The following TOX2 variants were observed in gnomAD, a reference collection of about 807,000 sequenced individuals.
TOX2 encodes granulosa cell HMG box 1.
Under a neutral mutation model 47.4 loss-of-function variants are expected in TOX2, and 15 were observed. The observed-to-expected ratio is 0.32, with a 90% CI of 0.21 to 0.49. The LOEUF (loss-of-function observed/expected upper bound fraction) is 0.49. TOX2 is among the 20% of genes least tolerant of loss of function. The probability of loss-of-function intolerance (pLI) is 0.99; values close to 1 mark genes in which losing one functional copy is unlikely to be tolerated. For synonymous variants in TOX2, 290 were observed against 296.6 expected (o/e 0.98, Z 0.23); for missense variants, 622 against 673.1 (o/e 0.92, Z 0.84).
chr20:44,036,468 G>A (rs1042905191), intron 3 of TOX2, among the ~76,000 whole-genome samples: 2 of 152,210 alleles, frequency 1.3e-5, no homozygotes, highest in Admixed American at 6.5e-5. Context: ...GTAAAATGTC[G>A]ATGATAAGCA....
chr20:43,959,193 A>G (rs1173956139), intron 1 of TOX2, among the ~76,000 whole-genome samples: 1 of 152,162 alleles, frequency 6.6e-6, no homozygotes, highest in Non-Finnish European at 1.5e-5. Context: ...CCTGTTCTCC[A>G]GGGGAGGAAT....
intron 1 of TOX2, among the ~76,000 whole-genome samples, chr20:43,952,263 T>A (rs534858110): frequency 6.6e-5 from 10 of 152,032 alleles, no homozygotes; most frequent in Non-Finnish European, 1.5e-4. Context: ...GGTGTCAAAC[T>A]CCTAGTCTCA....
intron 1 of TOX2, among the ~76,000 whole-genome samples, chr20:43,952,432 T>C (rs1049845587): frequency 1.3e-5 from 2 of 152,208 alleles, no homozygotes; most frequent in African/African-American, 2.4e-5. Context: ...GCTCTTACTA[T>C]GTGTTCCATG....
At chr20:43,953,161 G>A (rs896905986) in intron 1 of TOX2, among the ~76,000 whole-genome samples, 4 of 152,168 alleles carry the variant, frequency 2.6e-5, no homozygotes, top group African/African-American at 9.7e-5. Flanking sequence ...AGACCAGCCA[G>A]CCCTGATGAC....
At chr20:43,987,728 G>C (rs2070292051) in intron 2 of TOX2, among the ~76,000 whole-genome samples, 1 of 151,898 alleles carries the variant, frequency 6.6e-6, no homozygotes, top group South Asian at 2.1e-4. Context: ...TTAACTTCCT[G>C]GGAGGGAAAG....
chr20:43,935,424 G>T (rs1397825545), intron 1 of TOX2, among the ~76,000 whole-genome samples: 1 of 152,200 alleles, frequency 6.6e-6, no homozygotes, highest in East Asian at 1.9e-4. Flanking sequence ...CGAATGAAAG[G>T]TACCAGTGGA....
chr20:44,053,311 C>T (rs2071549026), intron 4 of TOX2, among the ~76,000 whole-genome samples: 1 of 152,114 alleles, frequency 6.6e-6, no homozygotes, highest in Non-Finnish European at 1.5e-5. Context: ...GCCCTCCCCA[C>T]TTCACAGGGT....
At position 44,054,515 on chromosome 20, in the gene TOX2, G is replaced by A. The variant is rs752969865; in HGVS notation, c.868G>A (p.Glu290Lys). 1 of 1,613,846 alleles carries A rather than the reference G, an allele frequency of 6.2e-7. No individual in the cohort carries two copies. The highest frequency in any genetic ancestry group is 8.5e-7 in the Non-Finnish European group (1 of 1,179,874). ...VASMWDSLGEEQKQAYKRKTE... is the reference protein window; with the variant it reads ...VASMWDSLGEKQKQAYKRKTE... ...CTCCATGTGGGACAGCCTGGGAGAG[G>A]AACAGAAGCAGGTGAGCCTCCCTCT... The change falls in exon 5 of 9, where the codon GAA becomes AAA. Residue 290 changes from glutamate (E) to lysine (K), a missense_variant. Physicochemically the swap from Glu to Lys is moderately conservative, Grantham distance 56. This residue lies in a region of TOX2 where 294 missense variants were observed against 300.0 expected (regional missense o/e 0.98). Coordinates refer to ENST00000341197, the MANE Select transcript of TOX2 (RefSeq NM_001098797.2).
chr20:43,952,287 C>T (rs1467326696), intron 1 of TOX2, among the ~76,000 whole-genome samples: 2 of 152,128 alleles, frequency 1.3e-5, no homozygotes, highest in Non-Finnish European at 2.9e-5. Flanking sequence ...ATCTTCTCGC[C>T]CTGGCCCCCC....
chr20:44,030,270 A>G lies in TOX2; in HGVS notation c.412-21036A>G, dbSNP rs1032536544. Among the ~76,000 whole-genome samples, 16 of 152,080 alleles carry G rather than the reference A, an allele frequency of 1.1e-4. 1 individual carries two copies. Among genetic ancestry groups the G allele is most frequent in the East Asian group, 7.7e-4 (4 of 5,174 alleles). On this transcript the variant is annotated intron_variant, in intron 3 of 8. Coordinates refer to ENST00000341197, the MANE Select transcript of TOX2 (RefSeq NM_001098797.2). ...CTTAATCTGCCAGAACCAGTCCCCA[A>G]TCCTAAGTCTCTCCCTCCATCTCTT...
intron 2 of TOX2, 48 bp downstream of exon 2, chr20:43,973,480 C>T (rs1325108466): frequency 6.3e-7 from 1 of 1,586,170 alleles, no homozygotes; most frequent in Non-Finnish European, 8.7e-7. Context: ...TTTGGGCTGG[C>T]TGGATCTGAG....
rs563020632 is a variant in TOX2 at position 43,999,246 on chromosome 20, G to A, written c.166-7301G>A. Among the ~76,000 whole-genome samples the A allele has an allele frequency of 9.2e-5, 14 of 152,176 alleles. No homozygotes were observed. The South Asian group carries it at 2.7e-3, about 29-fold the overall frequency. The stretch of plus-strand genomic sequence containing the variant: ...TGAATATTCTTTATTATGTTTGATA[G>A]TTCACTCCTGTTTTCTTTGCAGATT... On this transcript the variant is annotated intron_variant, in intron 2 of 8. Transcript: ENST00000341197.
rs1166222245 is a variant in TOX2 at position 44,068,847 on chromosome 20, C to T, written c.*161C>T. 1.0e-6 allele frequency: 1 copy of T among 982,004 alleles called. No individual in the cohort carries two copies. The highest frequency in any genetic ancestry group is 2.0e-5 in the Admixed American group (1 of 50,186). The allele number at this position is 982,004 out of a possible 1,614,324, so 60.8% of individuals were successfully genotyped here. ...GCTGAGTCTCTTCCTCAACCTCCCA[C>T]CAGACTCTGCAGAGGCAGCCCACTG... On this transcript the variant is annotated 3_prime_UTR_variant, in exon 9 of 9. Coordinates refer to ENST00000341197, the MANE Select transcript of TOX2 (RefSeq NM_001098797.2).
chr20:43,920,853 C>T (rs1362985783), intron 1 of TOX2, among the ~76,000 whole-genome samples: 5 of 152,148 alleles, frequency 3.3e-5, no homozygotes, highest in African/African-American at 1.2e-4. Flanking sequence ...GGAGGGAATG[C>T]TGGTGGGAAT....
intron 1 of TOX2, among the ~76,000 whole-genome samples, chr20:43,935,464 T>C (rs1056519326): frequency 3.9e-5 from 6 of 152,192 alleles, no homozygotes; most frequent in African/African-American, 1.4e-4. Context: ...GGAACTACTG[T>C]TCAGTGAATA....
chr20:43,954,556 G>T (rs1884711), intron 1 of TOX2, among the ~76,000 whole-genome samples: 22,213 of 152,212 alleles, frequency 0.15, 2,003 homozygotes, highest in Admixed American at 0.29. Context: ...TGAAGGATGG[G>T]TCCTGTGTGC....
chr20:44,068,467 G>T (rs957634959), intron 8 of TOX2, among the ~76,000 whole-genome samples, 183 bp from the exon 9 acceptor site: 1 of 137,704 alleles, frequency 7.3e-6, no homozygotes, highest in African/African-American at 2.7e-5. Context: ...TCCGGGAGGG[G>T]TTTGGTTCTG....
chr20:43,953,210 G>A (rs1215647630), intron 1 of TOX2, among the ~76,000 whole-genome samples: 2 of 136,720 alleles, frequency 1.5e-5, no homozygotes, highest in South Asian at 2.6e-4. Flanking sequence ...TTTAGACTTC[G>A]GGCTTTCCAG....
At chr20:43,926,595 G>C (rs1043737446) in intron 1 of TOX2, among the ~76,000 whole-genome samples, 1 of 152,152 alleles carries the variant, frequency 6.6e-6, no homozygotes, top group African/African-American at 2.4e-5. Context: ...CCCTATACTA[G>C]GTTTTAGTGC....
Sources: allele counts gnomAD v4.1 joint callset (sites outside exome capture counted in the v4.1 genomes callset), GRCh38; gene constraint gnomAD v4.1.1; regional missense constraint gnomAD v4.1.1; transcripts MANE v1.5; gene names NCBI Gene and HGNC (gene_info 2026-07-23, HGNC 2026-07-21).